Variants in MCTP1 observed in about 807,000 individuals in gnomAD.
The protein encoded by MCTP1 is multiple C2 and transmembrane domain-containing protein 1.
In MCTP1, 69 loss-of-function variants were observed where a neutral mutation model predicts 120.6. The ratio of observed to expected loss-of-function variants is 0.57; its 90% CI spans 0.47 to 0.70. The LOEUF (loss-of-function observed/expected upper bound fraction) is 0.70. MCTP1 is among the 30% of genes least tolerant of loss of function. MCTP1 has a pLI of 0.00. For synonymous variants in MCTP1, 529 were observed against 493.1 expected, an observed-to-expected ratio of 1.07 and a Z score of -0.96; for missense variants, 1,203 against 1,248.8, an observed-to-expected ratio of 0.96 and a Z score of 0.55.
intron 10 of MCTP1, among the ~76,000 whole-genome samples, chr5:94,904,409 G>A (rs1478726180): frequency 1.3e-5 from 2 of 152,004 alleles, no homozygotes; most frequent in Non-Finnish European, 2.9e-5. Flanking sequence ...TGTATAATAG[G>A]GCCCTGCAGG....
intron 1 of MCTP1, among the ~76,000 whole-genome samples, chr5:95,247,580 G>T (rs1032620530): frequency 2.0e-5 from 3 of 152,070 alleles, no homozygotes; most frequent in African/African-American, 7.2e-5. Context: ...CAGAGATTCT[G>T]GTACATTGTG....
At chr5:94,926,813 C>T (rs1178664092) in intron 6 of MCTP1, among the ~76,000 whole-genome samples, 2 of 152,114 alleles carry the variant, frequency 1.3e-5, no homozygotes, top group South Asian at 4.2e-4. Context: ...AGAAACTGGC[C>T]GACTCACTTG....
intron 1 of MCTP1, among the ~76,000 whole-genome samples, chr5:95,261,813 G>A (rs1054640699): frequency 7.2e-5 from 11 of 152,212 alleles, no homozygotes; most frequent in Admixed American, 3.9e-4. Context: ...GGTGGATTGG[G>A]CTGCCCTGGG....
chr5:95,282,688 C>A (rs1038043544), intron 1 of MCTP1, among the ~76,000 whole-genome samples: 2 of 152,166 alleles, frequency 1.3e-5, no homozygotes, highest in East Asian at 1.9e-4. Context: ...TTTTCTGGAT[C>A]ATCAGGTGTT....
chr5:95,071,250 G>A (rs952101209), intron 1 of MCTP1, among the ~76,000 whole-genome samples: 1 of 152,200 alleles, frequency 6.6e-6, no homozygotes, highest in Admixed American at 6.5e-5. Flanking sequence ...TGCAGCCCAA[G>A]AGCGTCTGTC....
rs182677754 is a variant in MCTP1, at chr5:94,713,819, C to T, written c.2720+958G>A. Among the ~76,000 whole-genome samples, 8 of 152,182 alleles carry T rather than the reference C, an allele frequency of 5.3e-5. No homozygotes were observed. In the South Asian group the frequency reaches 6.2e-4, roughly 12 times the overall value. ...ATTATCCCTTACAACATGAAAGGCA[C>T]GAGATGAATGACTCACACCTTTAGT... On this transcript the variant is annotated intron_variant, in intron 20 of 22. Transcript: ENST00000515393.
chr5:94,715,827 T>G (rs1162874222), intron 19 of MCTP1, among the ~76,000 whole-genome samples: 1 of 152,238 alleles, frequency 6.6e-6, no homozygotes, highest in African/African-American at 2.4e-5. Flanking sequence ...AGCTTGAATA[T>G]CTATGGAAAT....
intron 10 of MCTP1, among the ~76,000 whole-genome samples, chr5:94,906,543 T>C (rs1806983253): frequency 6.6e-6 from 1 of 152,154 alleles, no homozygotes; most frequent in Non-Finnish European, 1.5e-5. Context: ...GTTTTAACTC[T>C]TTGACACTCC....
At chr5:94,714,566 A>G (rs1293301053) in intron 20 of MCTP1, among the ~76,000 whole-genome samples, 1 of 152,068 alleles carries the variant, frequency 6.6e-6, no homozygotes, top group African/African-American at 2.4e-5. Flanking sequence ...CTTCTTTCCA[A>G]CCAATATGTT....
intron 2 of MCTP1, among the ~76,000 whole-genome samples, chr5:94,977,584 A>G (rs1224358116): frequency 6.6e-6 from 1 of 152,140 alleles, no homozygotes; most frequent in Non-Finnish European, 1.5e-5. Context: ...TTACAAAGCT[A>G]CAGTAATTAA....
At chr5:94,935,943 A>G (rs576529694) in intron 5 of MCTP1, among the ~76,000 whole-genome samples, 1 of 152,170 alleles carries the variant, frequency 6.6e-6, no homozygotes, top group East Asian at 1.9e-4. Context: ...TAGATATCTA[A>G]AAATTTAACT....
intron 1 of MCTP1, among the ~76,000 whole-genome samples, chr5:95,188,712 G>T (rs1480587359): frequency 6.6e-6 from 1 of 152,146 alleles, no homozygotes. Context: ...GTTATTAAAG[G>T]GCAATGCGGG....
At chr5:94,841,480 T>C (rs921752219) in intron 17 of MCTP1, among the ~76,000 whole-genome samples, 5 of 152,214 alleles carry the variant, frequency 3.3e-5, no homozygotes, top group African/African-American at 7.2e-5. Flanking sequence ...ATATTCAGAA[T>C]AGATTTGTTT....
chr5:95,038,121 G>C, intron 1 of MCTP1: 3 of 984,972 alleles, frequency 3.0e-6, no homozygotes, highest in Non-Finnish European at 3.6e-6. Context: ...CAGGTGCACA[G>C]CTGTGGATGG....
chr5:94,778,999 C>A (rs1776021814), intron 19 of MCTP1, 111 bp downstream of exon 19: 5 of 896,570 alleles, frequency 5.6e-6, no homozygotes, highest in East Asian at 2.5e-5. Flanking sequence ...ACAGCACTGT[C>A]CAATTTTCTG....
intron 1 of MCTP1, among the ~76,000 whole-genome samples, chr5:95,150,834 T>C (rs965515163): frequency 2.0e-5 from 3 of 152,120 alleles, no homozygotes; most frequent in Non-Finnish European, 4.4e-5. Context: ...AATCCACACA[T>C]AACTTTTGAC....
intron 1 of MCTP1, among the ~76,000 whole-genome samples, chr5:95,280,099 T>G (rs1760193285): frequency 6.6e-6 from 1 of 152,234 alleles, no homozygotes; most frequent in Admixed American, 6.5e-5. Context: ...GTCATGTTTT[T>G]GAATCATTTT....
intron 1 of MCTP1, among the ~76,000 whole-genome samples, chr5:95,231,227 C>T (rs915188227): frequency 6.6e-6 from 1 of 152,048 alleles, no homozygotes; most frequent in African/African-American, 2.4e-5. Context: ...TATCTTCACA[C>T]ATTTATGGTA....
intron 3 of MCTP1, among the ~76,000 whole-genome samples, chr5:94,946,368 T>C (rs1447312315): frequency 6.6e-6 from 1 of 152,148 alleles, no homozygotes; most frequent in East Asian, 1.9e-4. Flanking sequence ...GCCAAAGATA[T>C]GGAAGTGGCT....
Sources: gnomAD v4.1 joint callset for allele counts (sites outside exome capture counted in the v4.1 genomes callset) on GRCh38, gnomAD v4.1.1 for gene constraint, MANE v1.5 for transcripts, NCBI Gene and HGNC (gene_info 2026-07-23, HGNC 2026-07-21) for gene names.